GPC5: variants seen among roughly 807,000 people sequenced by gnomAD.
GPC5 encodes glypican-5.
In GPC5, 47 loss-of-function variants were observed where a neutral mutation model predicts 53.9. That is an observed-to-expected ratio of 0.87 (90% CI 0.69 to 1.11). GPC5 has a LOEUF of 1.11. GPC5 is among the 50% of genes most tolerant of loss of function. The probability of loss-of-function intolerance (pLI) is 0.00; values close to 1 mark genes in which losing one functional copy is unlikely to be tolerated. For synonymous variants in GPC5, 286 were observed against 263.3 expected, an observed-to-expected ratio of 1.09 and a Z score of -0.84; for missense variants, 748 against 713.1, an observed-to-expected ratio of 1.05 and a Z score of -0.56.
At chr13:91,809,582 A>G (rs1037038558) in intron 5 of GPC5, among the ~76,000 whole-genome samples, 3 of 152,060 alleles carry the variant, frequency 2.0e-5, no homozygotes, top group Non-Finnish European at 2.9e-5. Flanking sequence ...TCTCAGCTAT[A>G]TTGCTTACTT....
At position 92,770,038 on chromosome 13, in the gene GPC5, G is replaced by A. The variant is rs574543119; in HGVS notation, c.1562-96244G>A. On this transcript the variant is annotated intron_variant, in intron 7 of 7. Transcript: ENST00000377067. Reference sequence around the variant, plus strand: ...GAATACCTTTCATTGCATGTTCCCTGTTTTCTATTTTCCCCTATAGTCAGC... The same window carrying A: ...GAATACCTTTCATTGCATGTTCCCTATTTTCTATTTTCCCCTATAGTCAGC... 9.9e-5 allele frequency among the ~76,000 whole-genome samples: 15 copies of A among 152,250 alleles called. No homozygotes were observed. The East Asian group carries it at 1.9e-3, about 20-fold the overall frequency.
At chr13:92,109,947 C>G (rs1310284740) in intron 6 of GPC5, among the ~76,000 whole-genome samples, 1 of 151,946 alleles carries the variant, frequency 6.6e-6, no homozygotes, top group Admixed American at 6.6e-5. Context: ...ACTTACAAAA[C>G]AGTGGCAGAT....
rs866312228 is a variant in GPC5 at position 92,476,810 on chromosome 13, C to T, written c.1561+331821C>T. Among the ~76,000 whole-genome samples, 38 of 144,144 alleles carry T rather than the reference C, an allele frequency of 2.6e-4. 1 individual carries two copies. In the South Asian group the frequency reaches 5.8e-3, roughly 22 times the overall value. The allele number at this position is 144,144 out of a possible 152,430, so 94.6% of individuals were successfully genotyped here. A position where few individuals can be genotyped will look rare whatever the true frequency, so the allele number is the denominator to read the frequency against. ...ATCACAAGAACAAAAAACCAAACACCGCATATTCTCACTCATAGGTGGGAA... is the reference window on the plus strand; with the variant it reads ...ATCACAAGAACAAAAAACCAAACACTGCATATTCTCACTCATAGGTGGGAA... On this transcript the variant is annotated intron_variant, in intron 7 of 7. Coordinates refer to ENST00000377067, the MANE Select transcript of GPC5 (RefSeq NM_004466.6).
At chr13:92,850,806 T>G (rs1046886987) in intron 7 of GPC5, among the ~76,000 whole-genome samples, 3 of 152,210 alleles carry the variant, frequency 2.0e-5, no homozygotes, top group African/African-American at 7.2e-5. Flanking sequence ...TTGAGAATTC[T>G]CAGTACAGTT....
At chr13:92,522,566 C>A (rs1881103268) in intron 7 of GPC5, among the ~76,000 whole-genome samples, 2 of 151,728 alleles carry the variant, frequency 1.3e-5, no homozygotes, top group Non-Finnish European at 2.9e-5. Context: ...GGAATTGAAC[C>A]ATGAGAACAC....
At chr13:91,857,155 A>G (rs992826763) in intron 5 of GPC5, among the ~76,000 whole-genome samples, 13 of 151,416 alleles carry the variant, frequency 8.6e-5, no homozygotes, top group Non-Finnish European at 1.9e-4. Context: ...GTTTTTGACC[A>G]GTATTCAGCC....
chr13:91,763,569 A>G (rs1285468377), intron 5 of GPC5, among the ~76,000 whole-genome samples: 4 of 152,230 alleles, frequency 2.6e-5, no homozygotes, highest in Admixed American at 6.5e-5. Context: ...AAGGGACTAC[A>G]GAATTCATCA....
At chr13:92,393,029 C>T (rs13378794) in intron 7 of GPC5, among the ~76,000 whole-genome samples, 65,958 of 152,018 alleles carry the variant, frequency 0.43, 15,356 homozygotes, top group East Asian at 0.54. Context: ...TATCATTTAA[C>T]CCAGCAATCC....
intron 7 of GPC5, among the ~76,000 whole-genome samples, chr13:92,745,456 A>G (rs142837531): frequency 0.026 from 4,006 of 152,134 alleles, 92 homozygotes; most frequent in Middle Eastern, 0.075. Context: ...GTTCTGAAAT[A>G]ATTGCATGTT....
At chr13:92,663,846 CACACACACACTA>C (rs1886457714) in intron 7 of GPC5, among the ~76,000 whole-genome samples, 16 of 115,716 alleles carry the variant, frequency 1.4e-4, no homozygotes, top group African/African-American at 4.8e-4. Flanking sequence ...TATATATATA[CACACACACACTA>C]TATATATATA....
chr13:92,024,476 A>C (rs2040784882), intron 6 of GPC5, among the ~76,000 whole-genome samples: 1 of 152,146 alleles, frequency 6.6e-6, no homozygotes, highest in Admixed American at 6.5e-5. Flanking sequence ...CCTTTATAAA[A>C]GCTTTTTAAC....
rs1291471031 is a variant in GPC5, at chr13:92,849,495, A to C, written c.1562-16787A>C. 2.6e-5 allele frequency among the ~76,000 whole-genome samples: 4 copies of C among 152,222 alleles called. No homozygotes were observed. The East Asian group carries it at 7.7e-4, about 29-fold the overall frequency. Reference sequence around the variant, plus strand: ...TGACAATTTTTAAGCTCTAAGGATTAGCTGTTTAATATTCTTCACTTACTG... The same window carrying C: ...TGACAATTTTTAAGCTCTAAGGATTCGCTGTTTAATATTCTTCACTTACTG... On this transcript the variant is annotated intron_variant, in intron 7 of 7. Transcript: ENST00000377067.
At chr13:92,422,978 A>AT (rs1298535844) in intron 7 of GPC5, among the ~76,000 whole-genome samples, 4 of 152,212 alleles carry the variant, frequency 2.6e-5, no homozygotes, top group Non-Finnish European at 5.9e-5. Flanking sequence ...TAGACAGCTT[A>AT]TAAACAACAG....
At chr13:91,495,386 C>T (rs1884191931) in intron 2 of GPC5, among the ~76,000 whole-genome samples, 1 of 152,196 alleles carries the variant, frequency 6.6e-6, no homozygotes, top group Non-Finnish European at 1.5e-5. Flanking sequence ...AGCCATGTCA[C>T]TCCTTTTCTC....
intron 7 of GPC5, among the ~76,000 whole-genome samples, chr13:92,593,748 C>CAAAG (rs1883785450): frequency 6.6e-6 from 1 of 152,110 alleles, no homozygotes; most frequent in Admixed American, 6.5e-5. Flanking sequence ...TCTAAGAAGT[C>CAAAG]AAAGAAAGAA....
intron 1 of GPC5, among the ~76,000 whole-genome samples, chr13:91,438,802 C>T (rs931842690): frequency 2.0e-5 from 3 of 152,252 alleles, no homozygotes; most frequent in Admixed American, 1.3e-4. Flanking sequence ...CTGCAGTGGG[C>T]TCCACCCAGT....
At chr13:92,437,412 C>T (rs1282048750) in intron 7 of GPC5, among the ~76,000 whole-genome samples, 2 of 151,864 alleles carry the variant, frequency 1.3e-5, no homozygotes, top group African/African-American at 2.4e-5. Context: ...CTTCAATTAC[C>T]CAGGCAACAT....
chr13:92,147,392 AGT>A (rs751369763), intron 7 of GPC5, among the ~76,000 whole-genome samples: 12 of 151,608 alleles, frequency 7.9e-5, no homozygotes, highest in Non-Finnish European at 1.5e-4. Flanking sequence ...TTTGTGTGTG[AGT>A]GTGTGTGCAT....
intron 5 of GPC5, among the ~76,000 whole-genome samples, chr13:91,873,514 C>T (rs1335520994): frequency 1.3e-5 from 2 of 152,034 alleles, no homozygotes; most frequent in Non-Finnish European, 1.5e-5. Flanking sequence ...CTCACAAGAT[C>T]CAGTGGTTTT....
Sources: gnomAD v4.1 joint callset for allele counts (sites outside exome capture counted in the v4.1 genomes callset) on GRCh38, gnomAD v4.1.1 for gene constraint, MANE v1.5 for transcripts, NCBI Gene and HGNC (gene_info 2026-07-23, HGNC 2026-07-21) for gene names.